Variants in SLIT3 observed in about 807,000 individuals in gnomAD.
SLIT3 encodes the protein slit guidance ligand 3.
In SLIT3, 68 loss-of-function variants were observed where a neutral mutation model predicts 184.0. The observed-to-expected ratio is 0.37, with a 90% CI of 0.30 to 0.45. The LOEUF (loss-of-function observed/expected upper bound fraction) is 0.45, where lower values mean the gene tolerates loss of function less well. Among genes scored for constraint, SLIT3 ranks in the 20% least tolerant of loss-of-function variants. The pLI is 1.00. For missense variants in SLIT3, 1,707 were observed against 2,026.0 expected (o/e 0.84, Z 3.02); for synonymous variants, 831 against 828.6 (o/e 1.00, Z -0.05).
rs1756972167 is a variant in SLIT3, at chr5:168,806,601, A to G, written c.794-14T>C. ...CCGAGTGGGGGGCTGTGGAGCCAAG[A>G]CACAACGGTCAACTTATGTCAGTGT... On this transcript the variant is annotated splice_polypyrimidine_tract_variant and intron_variant, in intron 8 of 35. Coordinates refer to ENST00000519560, the MANE Select transcript of SLIT3 (RefSeq NM_003062.4). 5 of 1,614,010 alleles carry G rather than the reference A, an allele frequency of 3.1e-6. No homozygotes were observed. The highest frequency in any genetic ancestry group is 4.2e-6 in the Non-Finnish European group (5 of 1,179,942).
At chr5:169,214,560 G>A (rs1232611897) in intron 3 of SLIT3, among the ~76,000 whole-genome samples, 2 of 152,220 alleles carry the variant, frequency 1.3e-5, no homozygotes, top group Non-Finnish European at 2.9e-5. Context: ...GTGTGAAAAG[G>A]TGGGTAGAGG....
chr5:169,045,429 A>T (rs987968128), intron 4 of SLIT3, among the ~76,000 whole-genome samples: 1 of 94,554 alleles, frequency 1.1e-5, no homozygotes, highest in Non-Finnish European at 1.9e-5. Context: ...TCCATGCAGG[A>T]AAAAAAAAAA....
At chr5:169,282,823 A>T (rs1767035023) in intron 1 of SLIT3, among the ~76,000 whole-genome samples, 1 of 152,236 alleles carries the variant, frequency 6.6e-6, no homozygotes, top group Non-Finnish European at 1.5e-5. Flanking sequence ...ATTCTTCCCT[A>T]TAATTTGAAG....
At chr5:168,994,907 G>A (rs1755461021) in intron 4 of SLIT3, among the ~76,000 whole-genome samples, 1 of 152,004 alleles carries the variant, frequency 6.6e-6, no homozygotes, top group African/African-American at 2.4e-5. Context: ...CTCCCAAAGT[G>A]CTGGGATTAC....
chr5:168,933,504 T>C (rs1236188306), intron 4 of SLIT3, among the ~76,000 whole-genome samples: 1 of 151,262 alleles, frequency 6.6e-6, no homozygotes, highest in African/African-American at 2.4e-5. Context: ...ATGGCACCAC[T>C]GCACTCCACC....
In SLIT3 at chr5:169,192,666, A is replaced by C. The variant is rs1763595875; in HGVS notation, c.413+813T>G. Among the ~76,000 whole-genome samples, 4 of 152,196 alleles carry C rather than the reference A, an allele frequency of 2.6e-5. No homozygotes were observed. In the South Asian group the frequency reaches 8.3e-4, roughly 32 times the overall value. On this transcript the variant is annotated intron_variant, in intron 4 of 35. Transcript: ENST00000519560. ...TTAAAGCCTTCCCAGCCAGGCTGTA[A>C]ATCTTGCTACCTGACTGCAAAGCCA...
At chr5:168,785,235 T>C (rs1756113176) in intron 12 of SLIT3, among the ~76,000 whole-genome samples, 1 of 152,184 alleles carries the variant, frequency 6.6e-6, no homozygotes, top group Non-Finnish European at 1.5e-5. Flanking sequence ...AGCACAAAAA[T>C]TAAACTATAC....
intron 4 of SLIT3, chr5:169,026,711 C>T (rs947225567): frequency 1.3e-5 from 2 of 151,996 alleles, no homozygotes; most frequent in African/African-American, 2.4e-5. Flanking sequence ...TGACTGTTAC[C>T]TCTGCTGGCT....
At chr5:168,742,668 C>T (rs193140968) in intron 20 of SLIT3, among the ~76,000 whole-genome samples, 5 of 136,664 alleles carry the variant, frequency 3.7e-5, no homozygotes, top group Non-Finnish European at 7.8e-5. Context: ...TTCTGAACCA[C>T]TGGCATCTGG....
intron 1 of SLIT3, among the ~76,000 whole-genome samples, chr5:169,298,891 A>G (rs529752337): frequency 6.6e-6 from 1 of 152,250 alleles, no homozygotes; most frequent in African/African-American, 2.4e-5. Flanking sequence ...CATGAAAAGC[A>G]TTTATCAAAC....
chr5:169,192,266 A>G (rs141104891), intron 4 of SLIT3, among the ~76,000 whole-genome samples: 8 of 152,300 alleles, frequency 5.3e-5, no homozygotes, highest in African/African-American at 1.9e-4. Flanking sequence ...CGACTGAGCC[A>G]GAGAGATGGG....
At chr5:169,098,128 T>G (rs1226974805) in intron 4 of SLIT3, among the ~76,000 whole-genome samples, 1 of 152,096 alleles carries the variant, frequency 6.6e-6, no homozygotes, top group Non-Finnish European at 1.5e-5. Flanking sequence ...CGGCTTGATT[T>G]TTTTTGGAAA....
intron 4 of SLIT3, among the ~76,000 whole-genome samples, chr5:168,977,558 T>G (rs1754810941): frequency 6.6e-6 from 1 of 152,106 alleles, no homozygotes; most frequent in African/African-American, 2.4e-5. Context: ...TCCATGACAT[T>G]TGAATTACAG....
At chr5:169,296,672 G>A (rs73321509) in intron 1 of SLIT3, among the ~76,000 whole-genome samples, 1,884 of 152,316 alleles carry the variant, frequency 0.012, 50 homozygotes, top group African/African-American at 0.042. Context: ...CCTATGACAT[G>A]GTGTCAGTTT....
At chr5:169,222,358 G>C (rs943593628) in intron 3 of SLIT3, among the ~76,000 whole-genome samples, 26 of 152,112 alleles carry the variant, frequency 1.7e-4, no homozygotes, top group Non-Finnish European at 3.5e-4. Flanking sequence ...CTTGGGGCAC[G>C]TAGAAGGAAA....
At chr5:169,260,498 G>A (rs965465525) in intron 1 of SLIT3, among the ~76,000 whole-genome samples, 1 of 152,138 alleles carries the variant, frequency 6.6e-6, no homozygotes, top group South Asian at 2.1e-4. Context: ...GCCAACAAAG[G>A]TTACAGTTCG....
chr5:169,178,268 A>C (rs1208511432), intron 4 of SLIT3, among the ~76,000 whole-genome samples: 1 of 152,248 alleles, frequency 6.6e-6, no homozygotes, highest in Non-Finnish European at 1.5e-5. Flanking sequence ...TAAGGTAAGC[A>C]GGTACCTTTG....
chr5:168,961,073 C>G (rs1762989413), intron 4 of SLIT3, among the ~76,000 whole-genome samples: 1 of 152,172 alleles, frequency 6.6e-6, no homozygotes, highest in African/African-American at 2.4e-5. Context: ...AACATCCCCT[C>G]CAGCTCAGAA....
intron 4 of SLIT3, among the ~76,000 whole-genome samples, chr5:169,063,105 T>C (rs1459563842): frequency 3.3e-5 from 5 of 152,200 alleles, no homozygotes; most frequent in African/African-American, 9.7e-5. Flanking sequence ...AATTAGCACA[T>C]TGTCAGCTGT....
Sources: gnomAD v4.1 joint callset for allele counts (sites outside exome capture counted in the v4.1 genomes callset) on GRCh38, gnomAD v4.1.1 for gene constraint, MANE v1.5 for transcripts, NCBI Gene and HGNC (gene_info 2026-07-23, HGNC 2026-07-21) for gene names.